Variants in GPC5 observed in about 807,000 individuals in gnomAD.
The protein encoded by GPC5 is glypican 5, also known as glypican-5.
A neutral mutation model predicts 53.9 loss-of-function variants in GPC5; 47 were observed. That is an observed-to-expected ratio of 0.87 (90% CI 0.69 to 1.11). GPC5 has a LOEUF of 1.11. Ranked by LOEUF, GPC5 falls within the 50% of genes most tolerant of loss-of-function variation. The pLI, the probability that GPC5 is intolerant of heterozygous loss-of-function variation, is 0.00. For missense variants in GPC5, 748 were observed against 713.1 expected, an observed-to-expected ratio of 1.05 and a Z score of -0.56; for synonymous variants, 286 against 263.3, an observed-to-expected ratio of 1.09 and a Z score of -0.84.
intron 7 of GPC5, among the ~76,000 whole-genome samples, chr13:92,322,254 C>A (rs1429468768): frequency 6.8e-6 from 1 of 147,304 alleles, no homozygotes. Flanking sequence ...AGCAAGTAAC[C>A]AAGTAGATGG....
At position 92,492,472 on chromosome 13, in the gene GPC5, C is replaced by A. The variant is rs563327125; in HGVS notation, c.1561+347483C>A. Among the ~76,000 whole-genome samples, 16 of 150,192 alleles carry A rather than the reference C, an allele frequency of 1.1e-4. 1 individual carries two copies. The East Asian group carries it at 3.1e-3, about 29-fold the overall frequency. On this transcript the variant is annotated intron_variant, in intron 7 of 7. Coordinates refer to ENST00000377067, the MANE Select transcript of GPC5 (RefSeq NM_004466.6). ...CAAACCTGCACATTGTGCACATGTACCCTAGAACTTAAAGTATAATAAAAA... is the reference window on the plus strand; with the variant it reads ...CAAACCTGCACATTGTGCACATGTAACCTAGAACTTAAAGTATAATAAAAA...
rs1391775630 is a variant in GPC5, at chr13:92,293,536, A to G, written c.1561+148547A>G. On this transcript the variant is annotated intron_variant, in intron 7 of 7. Transcript: ENST00000377067. ...TAAGAAAAGATACTTGTTTGTGTGC[A>G]TTAATTTTGTATCCAGAGACTTTGC... Among the ~76,000 whole-genome samples, 3 of 144,602 alleles carry G rather than the reference A, an allele frequency of 2.1e-5. No homozygotes were observed. The Admixed American group carries it at 2.2e-4, about 11-fold the overall frequency. 94.9% of individuals were successfully genotyped at this position (144,602 alleles called of 152,430 possible).
At chr13:92,574,653 T>G (rs191593958) in intron 7 of GPC5, among the ~76,000 whole-genome samples, 1 of 152,328 alleles carries the variant, frequency 6.6e-6, no homozygotes, top group East Asian at 1.9e-4. Flanking sequence ...GTGAATGATT[T>G]CATCATCAGC....
intron 2 of GPC5, among the ~76,000 whole-genome samples, chr13:91,526,231 G>A (rs1294699618): frequency 6.6e-6 from 1 of 152,156 alleles, no homozygotes; most frequent in African/African-American, 2.4e-5. Context: ...TTTTACAACT[G>A]TTTCACAAGT....
At chr13:92,418,853 T>C (rs550525558) in intron 7 of GPC5, among the ~76,000 whole-genome samples, 30 of 152,316 alleles carry the variant, frequency 2.0e-4, no homozygotes, top group African/African-American at 7.2e-4. Flanking sequence ...AAAATAGGTG[T>C]GGGAAAGCAC....
chr13:92,138,918 A>G (rs529183326), intron 6 of GPC5, among the ~76,000 whole-genome samples: 43 of 146,908 alleles, frequency 2.9e-4, no homozygotes, highest in Middle Eastern at 3.4e-3. Context: ...GCTGCAGGGG[A>G]AAAAAAAAAT....
At chr13:91,628,486 C>CTGTT (rs2034069375) in intron 2 of GPC5, among the ~76,000 whole-genome samples, 1 of 151,210 alleles carries the variant, frequency 6.6e-6, no homozygotes, top group Admixed American at 6.6e-5. Flanking sequence ...ATCTATCTGT[C>CTGTT]TGTCTGTCTG....
At chr13:91,557,198 A>G (rs1594249605) in intron 2 of GPC5, among the ~76,000 whole-genome samples, 2 of 152,114 alleles carry the variant, frequency 1.3e-5, no homozygotes, top group East Asian at 3.9e-4. Flanking sequence ...GTTTCTCTGC[A>G]TCCTCGCCAT....
intron 6 of GPC5, among the ~76,000 whole-genome samples, chr13:92,108,792 T>G (rs2041529642): frequency 6.6e-6 from 1 of 152,156 alleles, no homozygotes; most frequent in African/African-American, 2.4e-5. Flanking sequence ...TCTATTGTCC[T>G]TTAATAGCAT....
intron 7 of GPC5, among the ~76,000 whole-genome samples, chr13:92,865,705 T>C (rs920100306): frequency 6.6e-5 from 10 of 152,188 alleles, no homozygotes; most frequent in Non-Finnish European, 7.3e-5. Flanking sequence ...GCTAGCCAGC[T>C]TGACTTTATC....
intron 5 of GPC5, among the ~76,000 whole-genome samples, chr13:91,866,015 G>A (rs997661416): frequency 2.6e-5 from 4 of 152,150 alleles, no homozygotes; most frequent in Non-Finnish European, 4.4e-5. Context: ...TTATAGGCAT[G>A]TGCCACCATG....
intron 2 of GPC5, among the ~76,000 whole-genome samples, chr13:91,643,064 C>A (rs1379090827): frequency 6.6e-6 from 1 of 151,960 alleles, no homozygotes; most frequent in Non-Finnish European, 1.5e-5. Flanking sequence ...GGTTATTTTT[C>A]CGCTAGCAGT....
intron 7 of GPC5, among the ~76,000 whole-genome samples, chr13:92,248,066 G>A (rs997996375): frequency 6.6e-6 from 1 of 152,078 alleles, no homozygotes; most frequent in Admixed American, 6.6e-5. Flanking sequence ...TGGCAAGTTA[G>A]CAGGGTAAGT....
At chr13:92,479,934 A>G (rs1389343750) in intron 7 of GPC5, among the ~76,000 whole-genome samples, 1 of 152,166 alleles carries the variant, frequency 6.6e-6, no homozygotes, top group African/African-American at 2.4e-5. Context: ...TTTTAAAAGT[A>G]AAATACCTTG....
At chr13:91,624,924 C>T (rs1406368621) in intron 2 of GPC5, among the ~76,000 whole-genome samples, 5 of 151,078 alleles carry the variant, frequency 3.3e-5, no homozygotes, top group Non-Finnish European at 7.4e-5. Context: ...CAGTCAATGA[C>T]CCAAGAAAGG....
intron 7 of GPC5, among the ~76,000 whole-genome samples, chr13:92,745,408 T>C (rs927430726): frequency 6.6e-6 from 1 of 152,126 alleles, no homozygotes; most frequent in Non-Finnish European, 1.5e-5. Context: ...TCCATTCCTA[T>C]GGAATCACTG....
intron 7 of GPC5, among the ~76,000 whole-genome samples, chr13:92,763,006 A>G (rs1875249773): frequency 1.3e-5 from 2 of 149,662 alleles, no homozygotes; most frequent in African/African-American, 4.9e-5. Flanking sequence ...TTGATCCTGG[A>G]TTGTTTTTCT....
intron 2 of GPC5, among the ~76,000 whole-genome samples, chr13:91,675,297 C>A (rs560387273): frequency 6.6e-6 from 1 of 152,214 alleles, no homozygotes; most frequent in Middle Eastern, 3.4e-3. Flanking sequence ...ATATCTTTGA[C>A]AAATTGATTT....
chr13:92,408,171 G>A (rs1875876337), intron 7 of GPC5, among the ~76,000 whole-genome samples: 3 of 152,186 alleles, frequency 2.0e-5, no homozygotes, highest in Non-Finnish European at 4.4e-5. Context: ...CTGCCCATGC[G>A]AGGGATCTAG....
Sources: gnomAD v4.1 joint callset for allele counts (sites outside exome capture counted in the v4.1 genomes callset) on GRCh38, gnomAD v4.1.1 for gene constraint, MANE v1.5 for transcripts, NCBI Gene and HGNC (gene_info 2026-07-23, HGNC 2026-07-21) for gene names.